Variants in DDHD1 observed in about 807,000 individuals in gnomAD.
DDHD1 encodes the protein phospholipase DDHD1.
DDHD1 carries 49 observed loss-of-function variants against 96.4 expected under a neutral mutation model. The ratio of observed to expected loss-of-function variants is 0.51; its 90% CI spans 0.40 to 0.64. The LOEUF is 0.64. DDHD1 is among the 30% of genes least tolerant of loss of function. DDHD1 has a pLI of 0.00. For synonymous variants in DDHD1, 442 were observed against 446.5 expected, an observed-to-expected ratio of 0.99 and a Z score of 0.13; for missense variants, 1,106 against 1,161.2, an observed-to-expected ratio of 0.95 and a Z score of 0.69.
In DDHD1 at chr14:53,152,562, C is replaced by T. The variant is rs1328258648; in HGVS notation, c.537G>A (p.Trp179Ter). 6.2e-7 allele frequency: 1 copy of T among 1,613,938 alleles called. No homozygotes were observed. Among genetic ancestry groups the T allele is most frequent in the South Asian group, 1.1e-5 (1 of 91,090 alleles). ...GCGAGTCGTAGCCGATGAAGGGCTT[C>T]CAGGTCTTCTTGTCCTCCTTGTAGA... ...RWFYKEDKKT[W>*]KPFIGYDSLR... Residue 179 changes from tryptophan to a stop codon, truncating the protein, a stop_gained, in exon 1 of 13, where the codon TGG (tryptophan) becomes TGA (stop). Transcript: ENST00000673822. LOFTEE classifies it high-confidence loss of function.
chr14:53,135,937 T>C (rs1021546496), intron 1 of DDHD1, among the ~76,000 whole-genome samples: 2 of 152,268 alleles, frequency 1.3e-5, no homozygotes, highest in Non-Finnish European at 2.9e-5. Flanking sequence ...TCATATCTCC[T>C]GTGACCTGCA....
chr14:53,040,503 C>CG lies in DDHD1; in HGVS notation c.*6264dup, dbSNP rs1881574801. On this transcript the variant is annotated 3_prime_UTR_variant, in exon 13 of 13. Transcript: ENST00000673822. ...TGTTTCGGGTGAGCAAGATAACAAA[C>CG]GGATCAATTCAGCTAGAGAAACACA... 6.6e-6 allele frequency: 1 copy of CG among 152,164 alleles called. No individual in the cohort carries two copies. The highest frequency in any genetic ancestry group is 2.4e-5 in the African/African-American group (1 of 41,446). 9.4% of individuals were successfully genotyped at this position (152,164 alleles called of 1,614,324 possible).
Position 53,055,608 on chromosome 14 carries a change from T to G in DDHD1, c.2245+52A>C, listed in dbSNP as rs1208932190. The G allele has an allele frequency of 7.2e-6, 9 of 1,250,962 alleles. No homozygotes were observed. The Admixed American group carries it at 1.3e-4, about 18-fold the overall frequency. The allele number at this position is 1,250,962 out of a possible 1,614,324, so 77.5% of individuals were successfully genotyped here. A position where few individuals can be genotyped will look rare whatever the true frequency, so the allele number is the denominator to read the frequency against. ...GAATACTTCTAGTCCCCCAAACTTATGTCTAGGAAAGTGCTTATATGCATA... is the reference window on the plus strand; with the variant it reads ...GAATACTTCTAGTCCCCCAAACTTAGGTCTAGGAAAGTGCTTATATGCATA... On this transcript the variant is annotated intron_variant, in intron 10 of 12. Coordinates refer to ENST00000673822, the MANE Select transcript of DDHD1 (RefSeq NM_001160148.2).
At chr14:53,151,179 G>A (rs1595282508) in intron 1 of DDHD1, among the ~76,000 whole-genome samples, 1 of 152,162 alleles carries the variant, frequency 6.6e-6, no homozygotes, top group Admixed American at 6.5e-5. Flanking sequence ...CCGATGGTAA[G>A]GTCCTAACAT....
chr14:53,111,968 C>G (rs1192407097), intron 1 of DDHD1, among the ~76,000 whole-genome samples: 1 of 152,066 alleles, frequency 6.6e-6, no homozygotes, highest in East Asian at 1.9e-4. Context: ...CAAGGCATTA[C>G]CTTAATTTAT....
At chr14:53,095,923 G>A (rs1886848705) in intron 2 of DDHD1, among the ~76,000 whole-genome samples, 1 of 151,902 alleles carries the variant, frequency 6.6e-6, no homozygotes, top group Non-Finnish European at 1.5e-5. Context: ...TAATGTTGGG[G>A]AACATCTGAA....
At chr14:53,047,387 G>C (rs1882108680) in intron 12 of DDHD1, among the ~76,000 whole-genome samples, 2 of 152,182 alleles carry the variant, frequency 1.3e-5, no homozygotes, top group Non-Finnish European at 1.5e-5. Flanking sequence ...CCTCCTTAGG[G>C]AGGCCCTATA....
chr14:53,070,771 A>C (rs920531404), intron 6 of DDHD1, among the ~76,000 whole-genome samples: 1 of 152,194 alleles, frequency 6.6e-6, no homozygotes, highest in African/African-American at 2.4e-5. Context: ...TCTATTATAA[A>C]AATAGTTACA....
chr14:53,149,113 T>C (rs145919485), intron 1 of DDHD1, among the ~76,000 whole-genome samples: 8 of 152,378 alleles, frequency 5.3e-5, no homozygotes, highest in African/African-American at 1.4e-4. Flanking sequence ...TCCTCATTAA[T>C]AGAAGACAAA....
At chr14:53,145,200 A>G (rs996159626) in intron 1 of DDHD1, among the ~76,000 whole-genome samples, 1 of 151,888 alleles carries the variant, frequency 6.6e-6, no homozygotes, top group Non-Finnish European at 1.5e-5. Flanking sequence ...GTGTTTTAAA[A>G]TCTTCAGTTT....
chr14:53,085,646 C>G (rs1320795092), intron 4 of DDHD1, among the ~76,000 whole-genome samples: 3 of 152,178 alleles, frequency 2.0e-5, no homozygotes, highest in Non-Finnish European at 4.4e-5. Flanking sequence ...ATCTGTACGT[C>G]ACCATCATCA....
At chr14:53,074,085 T>G (rs1259086679) in intron 4 of DDHD1, among the ~76,000 whole-genome samples, 1 of 152,068 alleles carries the variant, frequency 6.6e-6, no homozygotes, top group East Asian at 1.9e-4. Context: ...TTTTACATTA[T>G]ATTCTAAATA....
intron 1 of DDHD1, among the ~76,000 whole-genome samples, chr14:53,137,682 C>T (rs1890336377): frequency 6.6e-6 from 1 of 152,172 alleles, no homozygotes; most frequent in Non-Finnish European, 1.5e-5. Flanking sequence ...TAAGCAATAT[C>T]AAAGCATACT....
chr14:53,126,958 C>T (rs112475772), intron 1 of DDHD1, among the ~76,000 whole-genome samples: 1,910 of 152,108 alleles, frequency 0.013, 41 homozygotes, highest in African/African-American at 0.044. Context: ...AATTTAAGCT[C>T]TAACGGGTTG....
At chr14:53,103,368 T>A (rs989008755) in intron 2 of DDHD1, 8 of 357,184 alleles carry the variant, frequency 2.2e-5, no homozygotes, top group African/African-American at 1.7e-4. Context: ...ATTTTTGGGT[T>A]AAGTTCAATT....
chr14:53,097,698 A>G (rs1242421799), intron 2 of DDHD1, among the ~76,000 whole-genome samples: 3 of 152,010 alleles, frequency 2.0e-5, no homozygotes, highest in Admixed American at 6.6e-5. Flanking sequence ...TAAATATTAA[A>G]CGAGAACGAA....
chr14:53,100,853 T>C (rs1887243582), intron 2 of DDHD1, among the ~76,000 whole-genome samples: 1 of 152,224 alleles, frequency 6.6e-6, no homozygotes, highest in Admixed American at 6.5e-5. Context: ...GCATTGTGAT[T>C]ATCTACTCAC....
At chr14:53,130,905 T>C (rs558201961) in intron 1 of DDHD1, among the ~76,000 whole-genome samples, 3 of 152,200 alleles carry the variant, frequency 2.0e-5, no homozygotes, top group South Asian at 2.1e-4. Flanking sequence ...TCTTGGACCA[T>C]CACAGACACT....
chr14:53,108,867 T>C (rs1015976346), intron 1 of DDHD1, among the ~76,000 whole-genome samples: 7 of 152,248 alleles, frequency 4.6e-5, no homozygotes, highest in Non-Finnish European at 2.9e-5. Flanking sequence ...TTTTATTTGG[T>C]TGGAGCACTG....
Sources: allele counts gnomAD v4.1 joint callset (sites outside exome capture counted in the v4.1 genomes callset), GRCh38; gene constraint gnomAD v4.1.1; transcripts MANE v1.5; gene names NCBI Gene and HGNC (gene_info 2026-07-23, HGNC 2026-07-21).